Variants in PDE1A observed in about 807,000 individuals in gnomAD.
PDE1A encodes the protein dual specificity calcium/calmodulin-dependent 3',5'-cyclic nucleotide phosphodiesterase 1A.
Under a neutral mutation model 61.7 loss-of-function variants are expected in PDE1A, and 35 were observed. The ratio of observed to expected loss-of-function variants is 0.57; its 90% CI spans 0.43 to 0.75. The LOEUF (loss-of-function observed/expected upper bound fraction) is 0.75, where lower values mean the gene tolerates loss of function less well. Among genes scored for constraint, PDE1A ranks in the 30% least tolerant of loss-of-function variants. The pLI, the probability that PDE1A is intolerant of heterozygous loss-of-function variation, is 0.00. For missense variants in PDE1A, 597 were observed against 630.6 expected, an observed-to-expected ratio of 0.95 and a Z score of 0.57; for synonymous variants, 232 against 213.2, an observed-to-expected ratio of 1.09 and a Z score of -0.77.
intron 7 of PDE1A, among the ~76,000 whole-genome samples, chr2:182,209,029 T>C (rs1687354329): frequency 6.6e-6 from 1 of 152,104 alleles, no homozygotes; most frequent in African/African-American, 2.4e-5. Flanking sequence ...GAAGGCATGA[T>C]TGGTTTTTTG....
At chr2:182,380,931 G>C (rs1700697730) in intron 1 of PDE1A, among the ~76,000 whole-genome samples, 1 of 152,180 alleles carries the variant, frequency 6.6e-6, no homozygotes, top group South Asian at 2.1e-4. Flanking sequence ...TGAGAAGTCA[G>C]ATACAGGGCA....
intron 2 of PDE1A, among the ~76,000 whole-genome samples, chr2:182,255,900 C>A (rs1691744887): frequency 6.6e-6 from 1 of 151,552 alleles, no homozygotes; most frequent in African/African-American, 2.4e-5. Flanking sequence ...TTGTGATCTG[C>A]TGACCTAATG....
At chr2:182,339,017 T>C (rs1454965932) in intron 1 of PDE1A, among the ~76,000 whole-genome samples, 1 of 152,218 alleles carries the variant, frequency 6.6e-6, no homozygotes, top group Non-Finnish European at 1.5e-5. Context: ...ATATGAATTT[T>C]AATTAAATTC....
intron 13 of PDE1A, among the ~76,000 whole-genome samples, chr2:182,177,996 T>C (rs996237119): frequency 1.3e-5 from 2 of 152,190 alleles, no homozygotes; most frequent in Non-Finnish European, 2.9e-5. Flanking sequence ...TAATCAAATA[T>C]TGTTTTTCAT....
At chr2:182,690,522 A>G in the PDE1A span, among the ~76,000 whole-genome samples, 1 of 152,188 alleles carries the variant, frequency 6.6e-6, no homozygotes, top group Non-Finnish European at 1.5e-5. Context: ...TATTGATGGG[A>G]TGTATCTCAA....
the PDE1A span, among the ~76,000 whole-genome samples, chr2:182,645,078 T>G: frequency 4.0e-5 from 6 of 151,104 alleles, no homozygotes; most frequent in East Asian, 1.2e-3. Flanking sequence ...CTCAGCCTCC[T>G]GGGTTTACGC....
chr2:182,504,728 T>C (rs1219077847), intron 2 of PDE1A, among the ~76,000 whole-genome samples: 5 of 152,204 alleles, frequency 3.3e-5, no homozygotes, highest in African/African-American at 1.2e-4. Context: ...TGAGTATTTA[T>C]CCCTAACTGA....
chr2:182,544,987 T>C, the PDE1A span, among the ~76,000 whole-genome samples: 1 of 152,196 alleles, frequency 6.6e-6, no homozygotes, highest in Non-Finnish European at 1.5e-5. Flanking sequence ...ATTATTTTTA[T>C]AATAATTAAA....
intron 2 of PDE1A, among the ~76,000 whole-genome samples, chr2:182,502,439 C>A (rs1308811075): frequency 6.6e-6 from 1 of 152,154 alleles, no homozygotes; most frequent in Non-Finnish European, 1.5e-5. Context: ...CCTCGATCCT[C>A]TTCTCACTTA....
At chr2:182,461,351 T>C (rs755663870) in intron 2 of PDE1A, among the ~76,000 whole-genome samples, 5 of 152,090 alleles carry the variant, frequency 3.3e-5, no homozygotes, top group Non-Finnish European at 7.4e-5. Context: ...TTTAAAAACC[T>C]TGGGCCAGGT....
At chr2:182,505,794 G>C (rs1191776342) in intron 2 of PDE1A, among the ~76,000 whole-genome samples, 1 of 152,206 alleles carries the variant, frequency 6.6e-6, no homozygotes, top group Non-Finnish European at 1.5e-5. Context: ...GTATGAGAGA[G>C]ATTAGTCAAG....
intron 2 of PDE1A, among the ~76,000 whole-genome samples, chr2:182,512,868 G>A (rs1249107202): frequency 3.9e-5 from 6 of 152,138 alleles, no homozygotes; most frequent in East Asian, 1.9e-4. Context: ...CTCAAAGTCC[G>A]ATTCCTTGAA....
At chr2:182,536,792 G>A in the PDE1A span, among the ~76,000 whole-genome samples, 3 of 152,088 alleles carry the variant, frequency 2.0e-5, no homozygotes, top group African/African-American at 7.2e-5. Context: ...ATCATAAATG[G>A]TGGTATGGCT....
the PDE1A span, among the ~76,000 whole-genome samples, chr2:182,547,308 C>T: frequency 3.8e-3 from 584 of 152,250 alleles, 5 homozygotes; most frequent in African/African-American, 0.013. Context: ...ATGTGTCTAG[C>T]AGAACTGTCA....
At chr2:182,631,984 C>A in the PDE1A span, among the ~76,000 whole-genome samples, 1 of 152,144 alleles carries the variant, frequency 6.6e-6, no homozygotes, top group Non-Finnish European at 1.5e-5. Flanking sequence ...TACACTGATA[C>A]TAAATTATAG....
At chr2:182,160,114 C>T (rs1264406674) in intron 13 of PDE1A, among the ~76,000 whole-genome samples, 1 of 152,084 alleles carries the variant, frequency 6.6e-6, no homozygotes, top group Non-Finnish European at 1.5e-5. Context: ...AATCAATTGT[C>T]CAAGATTACA....
At chr2:182,543,555 G>A in the PDE1A span, among the ~76,000 whole-genome samples, 6 of 152,116 alleles carry the variant, frequency 3.9e-5, no homozygotes, top group Admixed American at 2.6e-4. Flanking sequence ...CAGTGTTTTG[G>A]TGGATTTTGT....
chr2:182,166,850 CTAAT>C (rs1298284217), downstream of PDE1A, among the ~76,000 whole-genome samples: 1 of 152,068 alleles, frequency 6.6e-6, no homozygotes, highest in Admixed American at 6.6e-5. Context: ...CCATTCTTAG[CTAAT>C]TAATTATTGG....
At chr2:182,630,253 A>G in the PDE1A span, among the ~76,000 whole-genome samples, 1 of 152,090 alleles carries the variant, frequency 6.6e-6, no homozygotes, top group Non-Finnish European at 1.5e-5. Context: ...GCTAACTTTA[A>G]TATTTAATTC....
Sources: allele counts gnomAD v4.1 joint callset (sites outside exome capture counted in the v4.1 genomes callset), GRCh38; gene constraint gnomAD v4.1.1; transcripts MANE v1.5; gene names NCBI Gene and HGNC (gene_info 2026-07-23, HGNC 2026-07-21).